IKBKB: variants seen among roughly 807,000 people sequenced by gnomAD.
IKBKB encodes inhibitor of nuclear factor kappa-B kinase subunit beta.
IKBKB carries 42 observed loss-of-function variants against 113.6 expected under a neutral mutation model. The observed-to-expected ratio is 0.37, with a 90% CI of 0.29 to 0.48. The LOEUF (loss-of-function observed/expected upper bound fraction) is 0.48, where lower values mean the gene tolerates loss of function less well. IKBKB is among the 20% of genes least tolerant of loss of function. The probability of loss-of-function intolerance (pLI) is 0.99; values close to 1 mark genes in which losing one functional copy is unlikely to be tolerated. For synonymous variants in IKBKB, 296 were observed against 361.3 expected (o/e 0.82, Z 2.05); for missense variants, 673 against 939.7 (o/e 0.72, Z 3.71).
rs752176364 is a variant in IKBKB at position 42,318,319 on chromosome 8, A to G, written c.1241-233A>G. ...ATGGCCCTATATACATATGTGTCCAATGGTTCGTAAAGTGTTCCTTCAAAT... is the reference window on the plus strand; with the variant it reads ...ATGGCCCTATATACATATGTGTCCAGTGGTTCGTAAAGTGTTCCTTCAAAT... On this transcript the variant is annotated intron_variant, in intron 12 of 21. Coordinates refer to ENST00000520810, the MANE Select transcript of IKBKB (RefSeq NM_001556.3). Among the ~76,000 whole-genome samples, 22 of 152,288 alleles carry G rather than the reference A, an allele frequency of 1.4e-4. No homozygotes were observed. The East Asian group carries it at 2.3e-3, about 16-fold the overall frequency.
At chr8:42,276,712 GTT>G (rs554087008) in intron 2 of IKBKB, among the ~76,000 whole-genome samples, 2 of 138,552 alleles carry the variant, frequency 1.4e-5, no homozygotes, top group Non-Finnish European at 3.2e-5. Context: ...ATGTTTTCTT[GTT>G]TTTTTTTTTT....
chr8:42,314,460 A>G (rs779788332), intron 9 of IKBKB, 31 bp downstream of exon 9: 1 of 1,361,098 alleles, frequency 7.3e-7, no homozygotes. Flanking sequence ...ACGAATACAT[A>G]TCTTTCTTGC....
chr8:42,317,093 T>C (rs1818833913), intron 11 of IKBKB, 189 bp downstream of exon 11: 1 of 669,482 alleles, frequency 1.5e-6, no homozygotes, highest in African/African-American at 1.8e-5. Context: ...CAAATCTCCT[T>C]GCTGGACTTG....
At chr8:42,322,528 T>C in intron 19 of IKBKB, 34 bp downstream of exon 19, 1 of 1,610,626 alleles carries the variant, frequency 6.2e-7, no homozygotes, top group South Asian at 1.1e-5. Flanking sequence ...GCCCTTGGCC[T>C]AGCAGCCTCC....
chr8:42,326,228 TGGGTC>T, intron 20 of IKBKB, 131 bp downstream of exon 20: 1 of 1,084,960 alleles, frequency 9.2e-7, no homozygotes, highest in Non-Finnish European at 1.3e-6. Context: ...TTGCATCTGC[TGGGTC>T]CTGTGGGGAC....
chr8:42,284,037 C>G (rs1199602408), intron 2 of IKBKB, among the ~76,000 whole-genome samples: 1 of 152,202 alleles, frequency 6.6e-6, no homozygotes, highest in African/African-American at 2.4e-5. Context: ...CCTCTGCAAA[C>G]TCCGCCTAAC....
intron 2 of IKBKB, 186 bp downstream of exon 2, chr8:42,272,391 C>T: frequency 1.5e-6 from 1 of 664,998 alleles, no homozygotes; most frequent in Non-Finnish European, 2.6e-6. Flanking sequence ...GGTCTCCATG[C>T]TTTATTGACT....
At chr8:42,317,809 G>T in intron 12 of IKBKB, 38 bp downstream of exon 12, 1 of 1,411,676 alleles carries the variant, frequency 7.1e-7, no homozygotes. Context: ...TAAATAATCC[G>T]TTATAATATG....
chr8:42,330,951 A>T lies in IKBKB; in HGVS notation c.2243A>T (p.Glu748Val). 1 of 1,614,196 alleles carries T rather than the reference A, an allele frequency of 6.2e-7. No homozygotes were observed. The highest frequency in any genetic ancestry group is 2.2e-5 in the East Asian group (1 of 44,878). The change falls in exon 22 of 22, where the codon GAG becomes GTG. Residue 748 changes from glutamate to valine, a missense_variant. This residue lies in a region of IKBKB where 506 missense variants were observed against 638.7 expected (regional missense o/e 0.79). Coordinates refer to ENST00000520810, the MANE Select transcript of IKBKB (RefSeq NM_001556.3). ...DWSWLQTEEE[E>V]HSCLEQAS ...AGCTGGTTACAGACGGAAGAAGAAGAGCACAGCTGCCTGGAGCAGGCCTCA... is the reference window on the plus strand; with the variant it reads ...AGCTGGTTACAGACGGAAGAAGAAGTGCACAGCTGCCTGGAGCAGGCCTCA...
chr8:42,305,162 A>G, intron 5 of IKBKB, 25 bp from the exon 6 acceptor site: 1 of 1,563,304 alleles, frequency 6.4e-7, no homozygotes, highest in Non-Finnish European at 8.8e-7. Flanking sequence ...TAGGCCTAAG[A>G]AAAACTCACC....
rs753342277 is a variant in IKBKB, at chr8:42,305,170, A to AC, written c.389-11dup. 2 of 1,591,118 alleles carry AC rather than the reference A, an allele frequency of 1.3e-6. No individual in the cohort carries two copies. The highest frequency in any genetic ancestry group is 8.6e-7 in the Non-Finnish European group (1 of 1,159,616). On this transcript the variant is annotated splice_polypyrimidine_tract_variant and intron_variant, in intron 5 of 21. Coordinates refer to ENST00000520810, the MANE Select transcript of IKBKB (RefSeq NM_001556.3). ...CATTTTTTAGGCCTAAGAAAAACTCACCCCCCTCTTCCTCAGCCTCTGCGC... is the reference window on the plus strand; with the variant it reads ...CATTTTTTAGGCCTAAGAAAAACTCACCCCCCCTCTTCCTCAGCCTCTGCGC...
At position 42,309,521 on chromosome 8, in the gene IKBKB, G is replaced by A. The variant is rs181988170; in HGVS notation, c.692+496G>A. On this transcript the variant is annotated intron_variant, in intron 8 of 21. Transcript: ENST00000520810. ...TGTAATCCCAGCACTTTGGGAGGCC[G>A]AGGCAGGTGGATCAGTTGAGGCCAG... The A allele has an allele frequency of 4.4e-3, 1,787 of 402,870 alleles. 20 individuals carry two copies. Among genetic ancestry groups the A allele is most frequent in the Non-Finnish European group, 6.4e-3 (1,308 of 202,814 alleles). 25.0% of individuals were successfully genotyped at this position (402,870 alleles called of 1,614,324 possible). A position where few individuals can be genotyped will look rare whatever the true frequency, so the allele number is the denominator to read the frequency against.
chr8:42,271,956 T>TA (rs1807847985), intron 1 of IKBKB, 127 bp from the exon 2 acceptor site: 1 of 1,060,446 alleles, frequency 9.4e-7, no homozygotes, highest in African/African-American at 1.6e-5. Flanking sequence ...CTTTACAAAA[T>TA]AAAAAACCAG....
In IKBKB at chr8:42,272,200, A is replaced by C; in HGVS notation, c.100A>C (p.Asn34His). The change falls in exon 2 of 22, where the codon AAT (asparagine) becomes CAT (histidine). Residue 34 changes from asparagine (N) to histidine (H), a missense_variant. Physicochemically the swap from Asn to His is moderately conservative, Grantham distance 68. Coordinates refer to ENST00000520810, the MANE Select transcript of IKBKB (RefSeq NM_001556.3). ...ATTTGGAAATGTCATCCGATGGCACAATCAGGTAGGCCCTCTGTGCAGCTT... is the reference window on the plus strand; with the variant it reads ...ATTTGGAAATGTCATCCGATGGCACCATCAGGTAGGCCCTCTGTGCAGCTT... ...GGFGNVIRWHNQETGEQIAIK... is the reference protein window; with the variant it reads ...GGFGNVIRWHHQETGEQIAIK... 1.2e-6 allele frequency: 2 copies of C among 1,614,122 alleles called. No individual in the cohort carries two copies. Among genetic ancestry groups the C allele is most frequent in the Non-Finnish European group, 1.7e-6 (2 of 1,180,030 alleles).
intron 21 of IKBKB, chr8:42,329,534 TATTC>T: frequency 1.1e-6 from 1 of 887,872 alleles, no homozygotes; most frequent in Non-Finnish European, 1.4e-6. Context: ...CATTTTTTAT[TATTC>T]ATAATAATAG....
At chr8:42,312,317 A>G (rs1817870713) in intron 8 of IKBKB, among the ~76,000 whole-genome samples, 1 of 152,188 alleles carries the variant, frequency 6.6e-6, no homozygotes, top group Non-Finnish European at 1.5e-5. Flanking sequence ...TACATTCCTA[A>G]TGGCCCAGCG....
At chr8:42,314,790 GAAA>G (rs1479363604) in intron 9 of IKBKB, among the ~76,000 whole-genome samples, 3 of 148,714 alleles carry the variant, frequency 2.0e-5, no homozygotes, top group Admixed American at 1.3e-4. Context: ...AAAAAAAAAA[GAAA>G]AAAGAAATTC....
intron 5 of IKBKB, 33 bp downstream of exon 5, chr8:42,293,545 C>G (rs201171057): frequency 6.2e-7 from 1 of 1,614,102 alleles, no homozygotes; most frequent in South Asian, 1.1e-5. Context: ...AGGCCGTGTC[C>G]TTCAGGGAGA....
chr8:42,329,564 A>AT, intron 21 of IKBKB: 2 of 914,474 alleles, frequency 2.2e-6, no homozygotes, highest in Non-Finnish European at 2.6e-6. Flanking sequence ...TCTAACAATT[A>AT]TTGAAGGCTT....
Sources: allele counts gnomAD v4.1 joint callset (sites outside exome capture counted in the v4.1 genomes callset), GRCh38; gene constraint gnomAD v4.1.1; regional missense constraint gnomAD v4.1.1; transcripts MANE v1.5; gene names NCBI Gene and HGNC (gene_info 2026-07-23, HGNC 2026-07-21).